Variants in CNTLN observed in about 807,000 individuals in gnomAD.
CNTLN encodes centlein, also known as centlein, centrosomal protein.
A neutral mutation model predicts 180.0 loss-of-function variants in CNTLN; 212 were observed. The observed-to-expected ratio is 1.18, with a 90% CI of 1.05 to 1.32. CNTLN has a LOEUF of 1.32. Among genes scored for constraint, CNTLN ranks in the 40% most tolerant of loss-of-function variants. CNTLN has a pLI of 0.00. For missense variants in CNTLN, 2,095 were observed against 1,610.9 expected, an observed-to-expected ratio of 1.30 and a Z score of -5.14; for synonymous variants, 722 against 563.1, an observed-to-expected ratio of 1.28 and a Z score of -3.99.
At chr9:17,248,752 T>C (rs930847868) in intron 5 of CNTLN, among the ~76,000 whole-genome samples, 1 of 151,418 alleles carries the variant, frequency 6.6e-6, no homozygotes, top group Non-Finnish European at 1.5e-5. Context: ...ATAAGGTATT[T>C]AGCATTATGC....
intron 7 of CNTLN, 167 bp downstream of exon 7, chr9:17,298,519 T>C: frequency 1.5e-6 from 2 of 1,308,042 alleles, no homozygotes; most frequent in African/African-American, 1.5e-5. Flanking sequence ...ACATTTAAAA[T>C]TTTTTGAATT....
At chr9:17,262,303 T>G (rs962889777) in intron 5 of CNTLN, among the ~76,000 whole-genome samples, 5 of 151,516 alleles carry the variant, frequency 3.3e-5, no homozygotes, top group Admixed American at 2.0e-4. Context: ...CTATGTACAA[T>G]AGCAAAGACT....
intron 2 of CNTLN, among the ~76,000 whole-genome samples, chr9:17,211,973 C>T (rs1267772559): frequency 6.6e-6 from 1 of 152,140 alleles, no homozygotes; most frequent in African/African-American, 2.4e-5. Context: ...ATGGGGTTTT[C>T]TAAATATACA....
At chr9:17,402,767 A>G (rs1187935457) in intron 15 of CNTLN, among the ~76,000 whole-genome samples, 2 of 151,708 alleles carry the variant, frequency 1.3e-5, no homozygotes, top group African/African-American at 4.9e-5. Context: ...TAGAAAATTG[A>G]CTTTCCTGGG....
intron 2 of CNTLN, among the ~76,000 whole-genome samples, chr9:17,155,372 C>G (rs944987629): frequency 2.0e-5 from 3 of 152,134 alleles, no homozygotes; most frequent in African/African-American, 7.2e-5. Flanking sequence ...CTGGGAGGTC[C>G]GCTGCTCTCT....
In CNTLN at chr9:17,254,866, C is replaced by T. The variant is rs187817003; in HGVS notation, c.849+18278C>T. On this transcript the variant is annotated intron_variant, in intron 5 of 25. Coordinates refer to ENST00000380647, the MANE Select transcript of CNTLN (RefSeq NM_017738.4). ...GATAAAGAGTGCATTAAATCTGTAG[C>T]TCACTTTTGGCGTTTTTTACATCTT... Among the ~76,000 whole-genome samples, 6 of 151,776 alleles carry T rather than the reference C, an allele frequency of 4.0e-5. No individual in the cohort carries two copies. In the East Asian group the frequency reaches 5.8e-4, roughly 15 times the overall value.
intron 25 of CNTLN, among the ~76,000 whole-genome samples, chr9:17,494,755 T>C (rs576786191): frequency 3.3e-4 from 50 of 152,188 alleles, no homozygotes; most frequent in Admixed American, 7.2e-4. Context: ...AATGCTGGTG[T>C]AAACAAACCT....
chr9:17,262,926 T>C (rs1487754888), intron 5 of CNTLN, among the ~76,000 whole-genome samples: 1 of 151,354 alleles, frequency 6.6e-6, no homozygotes, highest in Non-Finnish European at 1.5e-5. Flanking sequence ...GAAGGGTTGT[T>C]AGATTTTATC....
chr9:17,475,911 C>A lies in CNTLN; in HGVS notation c.3856-8384C>A, dbSNP rs183833626. ...AAAAAGAAGATAGGATGTAGCTGTTCCTTAAATACAGACATACCTCATTTT... is the reference window on the plus strand; with the variant it reads ...AAAAAGAAGATAGGATGTAGCTGTTACTTAAATACAGACATACCTCATTTT... On this transcript the variant is annotated intron_variant, in intron 23 of 25. Coordinates refer to ENST00000380647, the MANE Select transcript of CNTLN (RefSeq NM_017738.4). Among the ~76,000 whole-genome samples, 28 of 151,084 alleles carry A rather than the reference C, an allele frequency of 1.9e-4. No homozygotes were observed. In the East Asian group the frequency reaches 5.5e-3, roughly 29 times the overall value.
At chr9:17,177,280 G>A (rs1422492544) in intron 2 of CNTLN, among the ~76,000 whole-genome samples, 1 of 152,034 alleles carries the variant, frequency 6.6e-6, no homozygotes, top group African/African-American at 2.4e-5. Context: ...GTGGTGGCAG[G>A]CACCTGTAGT....
At chr9:17,148,510 A>G (rs1818611143) in intron 2 of CNTLN, among the ~76,000 whole-genome samples, 1 of 152,190 alleles carries the variant, frequency 6.6e-6, no homozygotes, top group Non-Finnish European at 1.5e-5. Context: ...ATGCCTGAAC[A>G]AAGCTTATCT....
chr9:17,368,057 C>G (rs79584864), intron 13 of CNTLN, among the ~76,000 whole-genome samples: 12 of 152,152 alleles, frequency 7.9e-5, no homozygotes, highest in Non-Finnish European at 1.8e-4. Context: ...GTCATTGATT[C>G]CAGGCTTTGG....
intron 12 of CNTLN, among the ~76,000 whole-genome samples, chr9:17,359,952 A>G (rs548750507): frequency 1.3e-5 from 2 of 151,960 alleles, no homozygotes; most frequent in South Asian, 4.2e-4. Context: ...GGACATACTA[A>G]TGGCCAATAA....
chr9:17,376,740 C>T (rs905356467), intron 13 of CNTLN, among the ~76,000 whole-genome samples: 9 of 152,000 alleles, frequency 5.9e-5, no homozygotes, highest in Non-Finnish European at 7.4e-5. Flanking sequence ...CGTGAGCCAC[C>T]GCACCCGGCC....
the CNTLN span, among the ~76,000 whole-genome samples, chr9:17,519,898 G>A: frequency 6.6e-6 from 1 of 152,204 alleles, no homozygotes; most frequent in Non-Finnish European, 1.5e-5. Context: ...CAGTATAGCT[G>A]GGGTGAAGCA....
intron 13 of CNTLN, among the ~76,000 whole-genome samples, chr9:17,370,771 AAAC>A (rs1426244067): frequency 1.3e-5 from 2 of 151,260 alleles, no homozygotes; most frequent in African/African-American, 2.5e-5. Flanking sequence ...AATAAGATAT[AAAC>A]AACAAAAAGT....
At chr9:17,325,150 C>A (rs1239954200) in intron 8 of CNTLN, among the ~76,000 whole-genome samples, 1 of 140,348 alleles carries the variant, frequency 7.1e-6, no homozygotes, top group Non-Finnish European at 1.6e-5. Flanking sequence ...TTTTGATTTA[C>A]AATATTATGT....
At chr9:17,376,482 C>T (rs921834448) in intron 13 of CNTLN, among the ~76,000 whole-genome samples, 28 of 148,138 alleles carry the variant, frequency 1.9e-4, no homozygotes, top group Non-Finnish European at 1.9e-4. Flanking sequence ...GACGGAGTCT[C>T]GCTCTGTCCC....
At chr9:17,377,350 G>A (rs1320367481) in intron 13 of CNTLN, among the ~76,000 whole-genome samples, 1 of 152,160 alleles carries the variant, frequency 6.6e-6, no homozygotes, top group Non-Finnish European at 1.5e-5. Flanking sequence ...TTTGAGACCA[G>A]CCTGGCCAAC....
Sources: allele counts gnomAD v4.1 joint callset (sites outside exome capture counted in the v4.1 genomes callset), GRCh38; gene constraint gnomAD v4.1.1; transcripts MANE v1.5; gene names NCBI Gene and HGNC (gene_info 2026-07-23, HGNC 2026-07-21).